Variants in PREX1 observed in about 807,000 individuals in gnomAD.
The protein encoded by PREX1 is phosphatidylinositol 3,4,5-trisphosphate-dependent Rac exchanger 1 protein.
Under a neutral mutation model 198.3 loss-of-function variants are expected in PREX1, and 41 were observed. That is an observed-to-expected ratio of 0.21 (90% CI 0.16 to 0.27). The LOEUF (loss-of-function observed/expected upper bound fraction) is 0.27, where lower values mean the gene tolerates loss of function less well. Ranked by LOEUF, PREX1 falls within the 10% of genes least tolerant of loss-of-function variation. PREX1 has a pLI of 1.00. For synonymous variants in PREX1, 843 were observed against 887.2 expected (o/e 0.95, Z 0.89); for missense variants, 1,620 against 2,200.7 (o/e 0.74, Z 5.28).
At chr20:48,674,068 C>T (rs1265791059) in intron 14 of PREX1, among the ~76,000 whole-genome samples, 1 of 152,222 alleles carries the variant, frequency 6.6e-6, no homozygotes, top group Non-Finnish European at 1.5e-5. Context: ...GGGCTGACTG[C>T]ATGTGATTCT....
intron 1 of PREX1, among the ~76,000 whole-genome samples, chr20:48,772,365 T>A (rs1449325258): frequency 6.6e-6 from 1 of 152,206 alleles, no homozygotes; most frequent in Non-Finnish European, 1.5e-5. Context: ...GGTGCGCAGC[T>A]CGTGGCAGCC....
intron 17 of PREX1, among the ~76,000 whole-genome samples, chr20:48,657,565 A>C (rs2089554874): frequency 6.6e-6 from 1 of 152,198 alleles, no homozygotes; most frequent in African/African-American, 2.4e-5. Flanking sequence ...GCCTCCTTCC[A>C]ACCGCTCACA....
chr20:48,707,785 C>T (rs974110482), intron 6 of PREX1, among the ~76,000 whole-genome samples: 1 of 152,128 alleles, frequency 6.6e-6, no homozygotes, highest in Non-Finnish European at 1.5e-5. Context: ...TTATTGAGTA[C>T]CTACTATGTA....
the PREX1 span, among the ~76,000 whole-genome samples, chr20:48,869,553 T>C: frequency 6.6e-6 from 1 of 152,134 alleles, no homozygotes; most frequent in African/African-American, 2.4e-5. Context: ...GTATTGATAG[T>C]GCTGAGCACT....
At chr20:48,872,471 C>T in the PREX1 span, among the ~76,000 whole-genome samples, 60 of 152,074 alleles carry the variant, frequency 3.9e-4, no homozygotes, top group African/African-American at 1.3e-3. Context: ...TGGCCGGGAT[C>T]GGCAGCTCAT....
intron 36 of PREX1, 105 bp from the exon 37 acceptor site, chr20:48,629,726 T>G: frequency 1.6e-6 from 2 of 1,233,392 alleles, no homozygotes; most frequent in Non-Finnish European, 2.3e-6. Flanking sequence ...ATCCAGCTGT[T>G]CCTGCAGCTG....
At chr20:48,761,566 C>T (rs560575201) in intron 1 of PREX1, among the ~76,000 whole-genome samples, 1 of 151,052 alleles carries the variant, frequency 6.6e-6, no homozygotes, top group African/African-American at 2.4e-5. Flanking sequence ...GAAGTTGATG[C>T]AAAAAACAAG....
intron 6 of PREX1, 36 bp from the exon 7 acceptor site, chr20:48,700,922 C>A: frequency 6.2e-7 from 1 of 1,612,402 alleles, no homozygotes; most frequent in Non-Finnish European, 8.5e-7. Context: ...AATGAGCCAA[C>A]CCAGGAACAT....
chr20:48,662,054 A>G (rs1469458867), intron 15 of PREX1, among the ~76,000 whole-genome samples: 1 of 152,200 alleles, frequency 6.6e-6, no homozygotes, highest in Non-Finnish European at 1.5e-5. Flanking sequence ...GACTCAGTGG[A>G]AAGCAGCCGG....
the PREX1 span, among the ~76,000 whole-genome samples, chr20:48,848,925 C>CG: frequency 6.6e-6 from 1 of 151,776 alleles, no homozygotes; most frequent in Non-Finnish European, 1.5e-5. Flanking sequence ...TTAGTAGAGA[C>CG]GGGGGTTTCA....
chr20:48,682,955 C>G (rs547049725), intron 10 of PREX1, among the ~76,000 whole-genome samples: 5 of 152,338 alleles, frequency 3.3e-5, no homozygotes, highest in South Asian at 2.1e-4. Flanking sequence ...GAGCAAAGAC[C>G]TGCCTGGTGT....
intron 1 of PREX1, among the ~76,000 whole-genome samples, chr20:48,758,144 C>G (rs571041612): frequency 6.6e-6 from 1 of 152,132 alleles, no homozygotes; most frequent in Non-Finnish European, 1.5e-5. Context: ...GGGAAGGCAG[C>G]CCACGAAGGG....
In PREX1 at chr20:48,642,397, A is replaced by G; in HGVS notation, c.3684+10T>C. 2 of 1,611,976 alleles carry G rather than the reference A, an allele frequency of 1.2e-6. No homozygotes were observed. The highest frequency in any genetic ancestry group is 2.2e-5 in the South Asian group (2 of 90,946). On this transcript the variant is annotated intron_variant, in intron 28 of 39. Transcript: ENST00000371941. ...CCAAAGTTGCGCCAGGAGTGGGGCA[A>G]AGGTCCTACCTGGTTAAAGAGGTGC...
At chr20:48,763,252 C>T (rs560179817) in intron 1 of PREX1, among the ~76,000 whole-genome samples, 23 of 152,360 alleles carry the variant, frequency 1.5e-4, no homozygotes, top group African/African-American at 5.5e-4. Flanking sequence ...AACTGTAGCC[C>T]TTATCGTCAG....
chr20:48,716,857 C>T (rs1269203164), intron 5 of PREX1, among the ~76,000 whole-genome samples: 8 of 152,158 alleles, frequency 5.3e-5, no homozygotes, highest in South Asian at 2.1e-4. Flanking sequence ...TGGTGACCAA[C>T]GACGCCACTG....
chr20:48,643,424 G>A (rs1462434702), intron 27 of PREX1, among the ~76,000 whole-genome samples: 10 of 151,714 alleles, frequency 6.6e-5, no homozygotes, highest in African/African-American at 1.2e-4. Flanking sequence ...AGCTGAGATC[G>A]TGCCACTGCA....
chr20:48,627,753 G>A, intron 38 of PREX1, 108 bp downstream of exon 38: 5 of 1,386,854 alleles, frequency 3.6e-6, no homozygotes, highest in East Asian at 2.4e-5. Flanking sequence ...TTCAGAGAAG[G>A]CTCAGGTCTG....
chr20:48,648,825 GACCTTGA>G (rs1377581402), intron 25 of PREX1, among the ~76,000 whole-genome samples: 3 of 152,226 alleles, frequency 2.0e-5, no homozygotes, highest in Non-Finnish European at 4.4e-5. Context: ...TGAGTAAGGA[GACCTTGA>G]ACCTTCAGGA....
At chr20:48,752,119 A>ACTGAACTATTG (rs1459818288) in intron 1 of PREX1, among the ~76,000 whole-genome samples, 10 of 152,160 alleles carry the variant, frequency 6.6e-5, no homozygotes, top group African/African-American at 2.4e-4. Context: ...CAGTTTACCC[A>ACTGAACTATTG]CAGTACCATG....
Sources: allele counts gnomAD v4.1 joint callset (sites outside exome capture counted in the v4.1 genomes callset), GRCh38; gene constraint gnomAD v4.1.1; transcripts MANE v1.5; gene names NCBI Gene and HGNC (gene_info 2026-07-23, HGNC 2026-07-21).